The following RAB23 variants were observed in gnomAD, a reference collection of about 807,000 sequenced individuals.
The protein encoded by RAB23 is ras-related protein Rab-23.
RAB23 carries 15 observed loss-of-function variants against 30.0 expected under a neutral mutation model. That is an observed-to-expected ratio of 0.50 (90% CI 0.33 to 0.77). RAB23 has a LOEUF of 0.77. Ranked by LOEUF, RAB23 falls within the 30% of genes least tolerant of loss-of-function variation. RAB23 has a pLI of 0.02. For missense variants in RAB23, 243 were observed against 275.4 expected (o/e 0.88, Z 0.83); for synonymous variants, 93 against 94.0 (o/e 0.99, Z 0.06).
chr6:57,208,341 T>A (rs558237426), intron 2 of RAB23, among the ~76,000 whole-genome samples: 1 of 152,052 alleles, frequency 6.6e-6, no homozygotes, highest in African/African-American at 2.4e-5. Flanking sequence ...AAAATGAGGA[T>A]AAGAATGCAA....
chr6:57,193,201 CAGAA>C (rs1764906883), intron 6 of RAB23, among the ~76,000 whole-genome samples: 1 of 139,914 alleles, frequency 7.1e-6, no homozygotes, highest in Non-Finnish European at 1.6e-5. Context: ...ATGGCAAAGG[CAGAA>C]AAAAAAAAAA....
chr6:57,210,416 T>C lies in RAB23; in HGVS notation c.-36A>G. 12 of 1,598,342 alleles carry C rather than the reference T, an allele frequency of 7.5e-6. No homozygotes were observed. The highest frequency in any genetic ancestry group is 1.0e-5 in the Non-Finnish European group (12 of 1,166,236). On this transcript the variant is annotated 5_prime_UTR_variant, in exon 2 of 7. Transcript: ENST00000468148. ...GAAATGGTTTCTGTACCAACTCTAA[T>C]TCTAGGAGATCAGATCTTCCCTCTC...
intron 3 of RAB23, among the ~76,000 whole-genome samples, chr6:57,204,381 T>C (rs977906168): frequency 6.6e-6 from 1 of 152,200 alleles, no homozygotes; most frequent in African/African-American, 2.4e-5. Flanking sequence ...AGGTTCCCTT[T>C]CAAATTGGGT....
intron 1 of RAB23, among the ~76,000 whole-genome samples, chr6:57,212,755 C>T (rs1393174214): frequency 1.3e-5 from 2 of 150,552 alleles, no homozygotes; most frequent in East Asian, 2.0e-4. Flanking sequence ...GGCATGGTGG[C>T]GTGAGCCTGT....
At chr6:57,205,175 A>G in intron 3 of RAB23, among the ~76,000 whole-genome samples, 1 of 151,420 alleles carries the variant, frequency 6.6e-6, no homozygotes, top group East Asian at 1.9e-4. Flanking sequence ...CACTATATTA[A>G]TTACATATAT....
At chr6:57,195,123 C>T (rs1379944101) in intron 4 of RAB23, among the ~76,000 whole-genome samples, 1 of 152,148 alleles carries the variant, frequency 6.6e-6, no homozygotes. Context: ...AACTGTTATA[C>T]CGTATGTGTA....
intron 3 of RAB23, among the ~76,000 whole-genome samples, chr6:57,205,433 G>A (rs1320203137): frequency 2.6e-5 from 4 of 152,074 alleles, no homozygotes; most frequent in Non-Finnish European, 4.4e-5. Flanking sequence ...CAGGTGCTAC[G>A]CAATGGGGCT....
intron 1 of RAB23, among the ~76,000 whole-genome samples, chr6:57,210,675 A>C (rs1765619905): frequency 6.6e-6 from 1 of 152,218 alleles, no homozygotes; most frequent in South Asian, 2.1e-4. Context: ...ATCAATAAAT[A>C]CCTAGATCTA....
At chr6:57,203,885 A>G (rs992375533) in intron 3 of RAB23, among the ~76,000 whole-genome samples, 3 of 152,216 alleles carry the variant, frequency 2.0e-5, no homozygotes, top group African/African-American at 4.8e-5. Flanking sequence ...CTTAAAGTAC[A>G]CAGTAAATAG....
chr6:57,208,428 C>G (rs1342215626), intron 2 of RAB23, among the ~76,000 whole-genome samples: 1 of 151,816 alleles, frequency 6.6e-6, no homozygotes, highest in Non-Finnish European at 1.5e-5. Flanking sequence ...GGGCGGATCA[C>G]TTGAGGCCAG....
chr6:57,207,638 G>A lies in RAB23; in HGVS notation c.231C>T (p.Ala77=). The change falls in exon 3 of 7, where the codon GCC becomes GCT. Residue 77 remains alanine, a synonymous_variant. Coordinates refer to ENST00000468148, the MANE Select transcript of RAB23 (RefSeq NM_016277.5). Reference sequence around the variant, plus strand: ...AATCCTGTGTTTTACCTCGATAGTAGGCCTTTGTAATTGCATCAAATTCCT... The same window carrying A: ...AATCCTGTGTTTTACCTCGATAGTAAGCCTTTGTAATTGCATCAAATTCCT... ...GQEEFDAITK[A]YYRGAQACVL... The A allele has an allele frequency of 6.3e-7, 1 of 1,593,540 alleles. No homozygotes were observed. Among genetic ancestry groups the A allele is most frequent in the East Asian group, 2.2e-5 (1 of 44,706 alleles).
At chr6:57,190,729 AC>A in intron 6 of RAB23, 129 bp from the exon 7 acceptor site, 1 of 1,259,846 alleles carries the variant, frequency 7.9e-7, no homozygotes, top group Non-Finnish European at 1.1e-6. Flanking sequence ...GTAAAATCCA[AC>A]AAAATTTAGC....
chr6:57,208,721 C>T (rs1028509084), intron 2 of RAB23, among the ~76,000 whole-genome samples: 5 of 150,524 alleles, frequency 3.3e-5, no homozygotes, highest in African/African-American at 1.2e-4. Context: ...ATAGTCAATT[C>T]TCATTATTCA....
intron 1 of RAB23, among the ~76,000 whole-genome samples, chr6:57,219,740 G>A (rs1212137262): frequency 2.6e-5 from 4 of 152,230 alleles, no homozygotes; most frequent in South Asian, 4.1e-4. Context: ...AAATAGTGAC[G>A]GAACAACTGG....
At chr6:57,208,442 T>C (rs984534064) in intron 2 of RAB23, among the ~76,000 whole-genome samples, 2 of 150,782 alleles carry the variant, frequency 1.3e-5, no homozygotes, top group Admixed American at 6.6e-5. Context: ...AGGCCAGGAG[T>C]TCAGTACCAG....
chr6:57,210,437 C>T lies in RAB23; in HGVS notation c.-57G>A, dbSNP rs976267687. On this transcript the variant is annotated 5_prime_UTR_variant, in exon 2 of 7. Coordinates refer to ENST00000468148, the MANE Select transcript of RAB23 (RefSeq NM_016277.5). ...CTAATTCTAGGAGATCAGATCTTCC[C>T]TCTCAAATCTGTGGTTTAAAATGAA... The T allele has an allele frequency of 1.1e-5, 17 of 1,521,746 alleles. No individual in the cohort carries two copies. The highest frequency in any genetic ancestry group is 6.8e-5 in the South Asian group (6 of 88,692). The allele number at this position is 1,521,746 out of a possible 1,614,324, so 94.3% of individuals were successfully genotyped here.
chr6:57,214,392 G>C (rs892366707), intron 1 of RAB23, among the ~76,000 whole-genome samples: 3 of 152,000 alleles, frequency 2.0e-5, no homozygotes, highest in African/African-American at 7.3e-5. Context: ...ACAGCTCACT[G>C]CAGCCTCAAC....
chr6:57,196,361 T>C (rs1765021548), intron 4 of RAB23, 89 bp downstream of exon 4: 1 of 1,482,150 alleles, frequency 6.7e-7, no homozygotes, highest in African/African-American at 1.4e-5. Context: ...TATAGAATTT[T>C]TCCTAGAACC....
intron 1 of RAB23, among the ~76,000 whole-genome samples, chr6:57,220,675 T>G (rs1007900096): frequency 1.3e-5 from 2 of 152,222 alleles, no homozygotes; most frequent in Admixed American, 1.3e-4. Flanking sequence ...TATGATTTCA[T>G]TTCTAGAAAA....
Sources: gnomAD v4.1 joint callset for allele counts (sites outside exome capture counted in the v4.1 genomes callset) on GRCh38, gnomAD v4.1.1 for gene constraint, MANE v1.5 for transcripts, NCBI Gene and HGNC (gene_info 2026-07-23, HGNC 2026-07-21) for gene names.